The following SNAP91 variants were observed in gnomAD, a reference collection of about 807,000 sequenced individuals.
SNAP91 encodes the protein clathrin coat assembly protein AP180.
SNAP91 carries 27 observed loss-of-function variants against 100.3 expected under a neutral mutation model. The ratio of observed to expected loss-of-function variants is 0.27; its 90% confidence interval spans 0.20 to 0.37. The LOEUF (loss-of-function observed/expected upper bound fraction) is 0.37. Among genes scored for constraint, SNAP91 ranks in the 10% least tolerant of loss-of-function variants. The pLI is 1.00. For missense variants in SNAP91, 986 were observed against 1,123.7 expected, an observed-to-expected ratio of 0.88 and a Z score of 1.75; for synonymous variants, 404 against 398.6, an observed-to-expected ratio of 1.01 and a Z score of -0.16.
intron 8 of SNAP91, among the ~76,000 whole-genome samples, chr6:83,635,926 T>C (rs571947378): frequency 3.3e-5 from 5 of 152,240 alleles, no homozygotes. Flanking sequence ...CTTTCACTTA[T>C]GAAGCTTAGT....
chr6:83,580,153 C>T (rs1003532302), intron 24 of SNAP91, among the ~76,000 whole-genome samples: 4 of 152,078 alleles, frequency 2.6e-5, no homozygotes, highest in African/African-American at 9.7e-5. Flanking sequence ...AAGTTAAGTG[C>T]TTTTTACACA....
rs1315728750 is a variant in SNAP91 at position 83,578,363 on chromosome 6, T to G, written c.2299+2087A>C. Among the ~76,000 whole-genome samples, 5 of 152,192 alleles carry G rather than the reference T, an allele frequency of 3.3e-5. No homozygotes were observed. In the South Asian group the frequency reaches 6.2e-4, roughly 19 times the overall value. ...GTCTGTGGGTTTCAAGTTTTCCATA[T>G]CCTCATCAATACTGGTTATATGTCT... On this transcript the variant is annotated intron_variant, in intron 24 of 29. Transcript: ENST00000369694.
At chr6:83,592,905 A>G (rs1413169800) in intron 20 of SNAP91, 41 bp downstream of exon 20, 1 of 1,444,136 alleles carries the variant, frequency 6.9e-7, no homozygotes, top group Non-Finnish European at 9.5e-7. Context: ...CATTACTTCC[A>G]CAAGACATCT....
chr6:83,559,554 C>G (rs749390470), intron 28 of SNAP91, among the ~76,000 whole-genome samples: 1 of 152,200 alleles, frequency 6.6e-6, no homozygotes, highest in South Asian at 2.1e-4. Context: ...AGGAAACTAT[C>G]TAACCTGGCC....
intron 26 of SNAP91, among the ~76,000 whole-genome samples, chr6:83,562,846 C>T (rs1424897565): frequency 6.6e-6 from 1 of 152,220 alleles, no homozygotes; most frequent in Non-Finnish European, 1.5e-5. Flanking sequence ...CTCTTTTGCT[C>T]CTACCCACTG....
chr6:83,568,818 T>G (rs574492352), intron 26 of SNAP91, among the ~76,000 whole-genome samples: 2 of 152,302 alleles, frequency 1.3e-5, no homozygotes, highest in South Asian at 4.1e-4. Context: ...TCCTTCTCAA[T>G]AGCAAAGACC....
intron 26 of SNAP91, among the ~76,000 whole-genome samples, chr6:83,574,633 A>T (rs115329368): frequency 0.013 from 1,969 of 152,252 alleles, 37 homozygotes; most frequent in African/African-American, 0.045. Flanking sequence ...TGCTTTTGAT[A>T]AATCATTTTC....
chr6:83,677,418 T>C (rs2098925648), intron 2 of SNAP91, among the ~76,000 whole-genome samples: 1 of 152,136 alleles, frequency 6.6e-6, no homozygotes, highest in Non-Finnish European at 1.5e-5. Context: ...TGTAACACCA[T>C]GAACTCACAG....
intron 14 of SNAP91, among the ~76,000 whole-genome samples, chr6:83,603,949 C>T (rs2095452306): frequency 6.6e-6 from 1 of 152,062 alleles, no homozygotes. Flanking sequence ...CAATCAATTC[C>T]TTACAATATT....
intron 2 of SNAP91, among the ~76,000 whole-genome samples, chr6:83,701,740 G>A (rs13205234): frequency 0.18 from 27,856 of 152,154 alleles, 3,317 homozygotes; most frequent in East Asian, 0.43. Flanking sequence ...GAGCCACAGC[G>A]CCTGGTGAAA....
At chr6:83,675,549 C>T (rs1283237136) in intron 2 of SNAP91, among the ~76,000 whole-genome samples, 1 of 152,078 alleles carries the variant, frequency 6.6e-6, no homozygotes, top group Non-Finnish European at 1.5e-5. Context: ...CAAAAATTCT[C>T]TTACACTATT....
At position 83,708,858 on chromosome 6, in the gene SNAP91, G is replaced by A. The variant is rs1185864640; in HGVS notation, c.-44C>T. 3 of 152,004 alleles carry A rather than the reference G, an allele frequency of 2.0e-5. No homozygotes were observed. The highest frequency in any genetic ancestry group is 2.0e-4 in the Admixed American group (3 of 15,274). The allele number at this position is 152,004 out of a possible 1,614,324, so 9.4% of individuals were successfully genotyped here. On this transcript the variant is annotated 5_prime_UTR_variant, in exon 1 of 30. Transcript: ENST00000369694. ...GCGGGTACTCACCCCGCCCCTGAGC[G>A]GCGCCGCCCGCCGCAGGATGAGCGG...
At position 83,607,294 on chromosome 6, in the gene SNAP91, G is replaced by A. The variant is rs1188235868; in HGVS notation, c.1022+405C>T. Reference sequence around the variant, plus strand: ...CCACCAGAGTGTGAGTTCCTCATACGCACTAGCTAATTGGTCAAACAATTC... The same window carrying A: ...CCACCAGAGTGTGAGTTCCTCATACACACTAGCTAATTGGTCAAACAATTC... On this transcript the variant is annotated intron_variant, in intron 13 of 29. Transcript: ENST00000369694. Among the ~76,000 whole-genome samples the A allele has an allele frequency of 2.0e-5, 3 of 150,550 alleles. 1 individual carries two copies. The highest frequency in any genetic ancestry group is 4.2e-4 in the South Asian group (2 of 4,768).
chr6:83,696,051 GGTACA>G (rs2099205940), intron 2 of SNAP91, among the ~76,000 whole-genome samples: 1 of 151,978 alleles, frequency 6.6e-6, no homozygotes, highest in Admixed American at 6.6e-5. Flanking sequence ...AACTTCCATG[GGTACA>G]GTCATGCTCA....
chr6:83,680,167 A>G (rs1272637495), intron 2 of SNAP91, among the ~76,000 whole-genome samples: 1 of 152,186 alleles, frequency 6.6e-6, no homozygotes, highest in African/African-American at 2.4e-5. Context: ...AGGATTAAAG[A>G]GTTTATCATA....
chr6:83,580,341 G>C (rs1826224333), intron 24 of SNAP91, 109 bp downstream of exon 24: 1 of 1,149,290 alleles, frequency 8.7e-7, no homozygotes, highest in African/African-American at 1.6e-5. Flanking sequence ...TCACCCATAA[G>C]AGAGTCCAGA....
At chr6:83,619,349 C>G (rs1405124395) in intron 9 of SNAP91, among the ~76,000 whole-genome samples, 1 of 152,174 alleles carries the variant, frequency 6.6e-6, no homozygotes, top group Non-Finnish European at 1.5e-5. Context: ...GCAGGAATGT[C>G]TACCTTTTCT....
At chr6:83,597,182 C>T (rs1215763819) in intron 16 of SNAP91, among the ~76,000 whole-genome samples, 26 of 152,034 alleles carry the variant, frequency 1.7e-4, no homozygotes, top group Non-Finnish European at 4.4e-5. Context: ...CTGCTCCCAC[C>T]CCCAGCTGTT....
chr6:83,695,992 T>C (rs992411629), intron 2 of SNAP91, among the ~76,000 whole-genome samples: 1 of 151,998 alleles, frequency 6.6e-6, no homozygotes, highest in Non-Finnish European at 1.5e-5. Context: ...TGTTAAACAG[T>C]TGGTCACAGC....
Sources: gnomAD v4.1 joint callset for allele counts (sites outside exome capture counted in the v4.1 genomes callset) on GRCh38, gnomAD v4.1.1 for gene constraint, MANE v1.5 for transcripts, NCBI Gene and HGNC (gene_info 2026-07-23, HGNC 2026-07-21) for gene names.